The following PAX8 variants were observed in gnomAD, a reference collection of about 807,000 sequenced individuals.
PAX8 encodes the protein paired box protein Pax-8.
In PAX8, 15 loss-of-function variants were observed where a neutral mutation model predicts 52.4. The ratio of observed to expected loss-of-function variants is 0.29; its 90% confidence interval spans 0.19 to 0.44. The LOEUF (loss-of-function observed/expected upper bound fraction) is 0.44, where lower values mean the gene tolerates loss of function less well. PAX8 is among the 20% of genes least tolerant of loss of function. The probability of loss-of-function intolerance (pLI) is 1.00; values close to 1 mark genes in which losing one functional copy is unlikely to be tolerated. For synonymous variants in PAX8, 284 were observed against 249.7 expected (o/e 1.14, Z -1.29); for missense variants, 554 against 602.5 (o/e 0.92, Z 0.84).
chr2:113,269,140 A>T (rs1239559865), intron 2 of PAX8: 1 of 152,266 alleles, frequency 6.6e-6, no homozygotes, highest in African/African-American at 2.4e-5. Flanking sequence ...GAGCCTAGGC[A>T]TTGGAAGTGT....
intron 2 of PAX8, chr2:113,271,149 C>T (rs1693435528): frequency 1.3e-5 from 2 of 152,230 alleles, no homozygotes; most frequent in Non-Finnish European, 2.9e-5. Context: ...CAACCGGCAC[C>T]TCCAGTGGCC....
At chr2:113,239,474 C>T (rs948150374) in intron 7 of PAX8, 2 of 152,278 alleles carry the variant, frequency 1.3e-5, no homozygotes, top group Non-Finnish European at 2.9e-5. Context: ...GAGGGCATTC[C>T]TATGCCCAGG....
At chr2:113,234,086 G>A (rs565742384) in intron 9 of PAX8, among the ~76,000 whole-genome samples, 2 of 152,232 alleles carry the variant, frequency 1.3e-5, no homozygotes, top group Non-Finnish European at 2.9e-5. Context: ...AGACAGTGCC[G>A]CTATTAAAGA....
intron 2 of PAX8, chr2:113,250,746 C>A (rs900736676): frequency 6.6e-6 from 1 of 152,182 alleles, no homozygotes; most frequent in Admixed American, 6.5e-5. Context: ...AGACATTGAC[C>A]AAGTGCCTAT....
chr2:113,227,767 T>TC (rs940956239), intron 9 of PAX8, among the ~76,000 whole-genome samples: 31 of 152,210 alleles, frequency 2.0e-4, no homozygotes, highest in African/African-American at 5.3e-4. Flanking sequence ...CACTATTTTT[T>TC]GGGGGGCCTG....
At chr2:113,271,587 TG>T (rs1693461645) in intron 2 of PAX8, 1 of 151,248 alleles carries the variant, frequency 6.6e-6, no homozygotes, top group Non-Finnish European at 1.5e-5. Context: ...TGGGGAACAC[TG>T]ATGAGGAAAG....
At chr2:113,226,781 G>C in intron 10 of PAX8, 1 of 1,202,966 alleles carries the variant, frequency 8.3e-7, no homozygotes, top group Non-Finnish European at 1.0e-6. Context: ...CTTGAGGGTA[G>C]GGTTCATCTT....
intron 7 of PAX8, chr2:113,240,068 A>C (rs2104477803): frequency 6.6e-6 from 1 of 152,412 alleles, no homozygotes; most frequent in African/African-American, 2.4e-5. Flanking sequence ...GCGGGTGTCC[A>C]GAGTCTCATC....
intron 2 of PAX8, among the ~76,000 whole-genome samples, chr2:113,248,252 A>C (rs1392380935): frequency 6.6e-6 from 1 of 152,214 alleles, no homozygotes; most frequent in Non-Finnish European, 1.5e-5. Flanking sequence ...AACTCAGCTT[A>C]TATGAGGAGG....
chr2:113,277,322 C>A (rs934728921), intron 2 of PAX8, among the ~76,000 whole-genome samples: 1 of 152,228 alleles, frequency 6.6e-6, no homozygotes, highest in Non-Finnish European at 1.5e-5. Context: ...GAGACTGCGC[C>A]GCAGAGCCCG....
At chr2:113,277,053 G>A (rs1272343056) in intron 2 of PAX8, among the ~76,000 whole-genome samples, 1 of 152,216 alleles carries the variant, frequency 6.6e-6, no homozygotes, top group Non-Finnish European at 1.5e-5. Flanking sequence ...GTAAAGAGGT[G>A]CCAGGGAGCT....
chr2:113,222,212 C>T (rs532923870), intron 10 of PAX8, among the ~76,000 whole-genome samples: 5 of 152,260 alleles, frequency 3.3e-5, no homozygotes, highest in East Asian at 3.9e-4. Flanking sequence ...TCAGGTCTCC[C>T]GGGTTTCAGC....
At chr2:113,226,608 C>G (rs1689588611) in intron 10 of PAX8, 1 of 1,057,684 alleles carries the variant, frequency 9.5e-7, no homozygotes, top group African/African-American at 1.7e-5. Context: ...AACCCGGGTC[C>G]TATCCATGCA....
intron 8 of PAX8, 81 bp from the exon 9 acceptor site, chr2:113,235,663 G>A: frequency 1.6e-6 from 2 of 1,244,014 alleles, no homozygotes; most frequent in South Asian, 1.4e-5. Context: ...GCCGTGGGAT[G>A]TGGAGGGTGC....
intron 4 of PAX8, among the ~76,000 whole-genome samples, chr2:113,243,766 C>G (rs2104495229): frequency 6.6e-6 from 1 of 152,314 alleles, no homozygotes; most frequent in East Asian, 1.9e-4. Context: ...TCACCTAGTT[C>G]TCTTATTGTT....
chr2:113,222,612 G>T (rs77047991), intron 10 of PAX8, among the ~76,000 whole-genome samples: 1 of 152,060 alleles, frequency 6.6e-6, no homozygotes, highest in Non-Finnish European at 1.5e-5. Flanking sequence ...GGATTTGGCC[G>T]CTCCAATGAT....
intron 9 of PAX8, among the ~76,000 whole-genome samples, chr2:113,231,090 A>G (rs1161348654): frequency 6.6e-6 from 1 of 152,096 alleles, no homozygotes; most frequent in Non-Finnish European, 1.5e-5. Flanking sequence ...AGACTATTTT[A>G]TTTTCCCCCT....
At chr2:113,238,115 G>A (rs569146967) in intron 7 of PAX8, 1 of 143,928 alleles carries the variant, frequency 6.9e-6, no homozygotes, top group South Asian at 2.3e-4. Context: ...TGTTGCCCAA[G>A]CTGGAGTGCA....
At chr2:113,272,281 A>G (rs566536819) in intron 2 of PAX8, 21 of 152,302 alleles carry the variant, frequency 1.4e-4, no homozygotes, top group African/African-American at 4.6e-4. Context: ...ACTCAGTTAC[A>G]TGAATTACAG....
Sources: gnomAD v4.1 joint callset for allele counts (sites outside exome capture counted in the v4.1 genomes callset) on GRCh38, gnomAD v4.1.1 for gene constraint, MANE v1.5 for transcripts, NCBI Gene and HGNC (gene_info 2026-07-23, HGNC 2026-07-21) for gene names.